Variants in PTBP3 observed in about 807,000 individuals in gnomAD.
PTBP3 encodes polypyrimidine tract-binding protein 3.
PTBP3 carries 20 observed loss-of-function variants against 58.7 expected under a neutral mutation model. The observed-to-expected ratio is 0.34, with a 90% CI of 0.24 to 0.50. The LOEUF (loss-of-function observed/expected upper bound fraction) is 0.50, where lower values mean the gene tolerates loss of function less well. PTBP3 is among the 20% of genes least tolerant of loss of function. The pLI, the probability that PTBP3 is intolerant of heterozygous loss-of-function variation, is 0.98. For synonymous variants in PTBP3, 185 were observed against 219.8 expected (o/e 0.84, Z 1.40); for missense variants, 509 against 637.2 (o/e 0.80, Z 2.17).
At chr9:112,358,922 C>T in the PTBP3 span, among the ~76,000 whole-genome samples, 1 of 152,258 alleles carries the variant, frequency 6.6e-6, no homozygotes, top group African/African-American at 2.4e-5. Context: ...ATAGCCTCGA[C>T]CTCCTGGGCT....
the PTBP3 span, among the ~76,000 whole-genome samples, chr9:112,364,363 G>T: frequency 6.7e-6 from 1 of 150,130 alleles, no homozygotes; most frequent in African/African-American, 2.5e-5. Context: ...TTTTGGTAAA[G>T]AAAAGTACCA....
At position 112,220,842 on chromosome 9, in the gene PTBP3, CT is replaced by C. The variant is rs546903874; in HGVS notation, c.*3008del. On this transcript the variant is annotated 3_prime_UTR_variant, in exon 14 of 14. Transcript: ENST00000374257. ...ATACTTTGTGTAGAAGTCAAGACAC[CT>C]TGAAAAGTGATGACAATACTCCTTA... 2 of 969,570 alleles carry C rather than the reference CT, an allele frequency of 2.1e-6. No homozygotes were observed. The highest frequency in any genetic ancestry group is 1.2e-6 in the Non-Finnish European group (1 of 815,748). 60.1% of individuals were successfully genotyped at this position (969,570 alleles called of 1,614,324 possible).
rs559211507 is a variant in PTBP3 at position 112,220,454 on chromosome 9, C to A, written c.*3397G>T. On this transcript the variant is annotated 3_prime_UTR_variant, in exon 14 of 14. Coordinates refer to ENST00000374257, the MANE Select transcript of PTBP3 (RefSeq NM_001163788.4). ...CCACTTCTCATCAACTAAAACAGAA[C>A]CCATGATTATCATACTAGGTGGAGC... The A allele has an allele frequency of 2.6e-6, 3 of 1,135,652 alleles. No homozygotes were observed. In the Admixed American group the frequency reaches 1.2e-4, roughly 47 times the overall value. The allele number at this position is 1,135,652 out of a possible 1,614,324, so 70.3% of individuals were successfully genotyped here. A position where few individuals can be genotyped will look rare whatever the true frequency, so the allele number is the denominator to read the frequency against.
chr9:112,242,484 A>G (rs1459976401), intron 7 of PTBP3: 1 of 152,184 alleles, frequency 6.6e-6, no homozygotes, highest in Non-Finnish European at 1.5e-5. Context: ...CATATCTCCA[A>G]GTTACAAAGA....
At chr9:112,270,555 A>G (rs1827335394) in intron 3 of PTBP3, among the ~76,000 whole-genome samples, 1 of 152,216 alleles carries the variant, frequency 6.6e-6, no homozygotes, top group South Asian at 2.1e-4. Context: ...TAAGAATCAT[A>G]ATTAAGCATT....
intron 7 of PTBP3, among the ~76,000 whole-genome samples, chr9:112,250,167 C>T (rs1836049436): frequency 6.6e-6 from 1 of 151,998 alleles, no homozygotes; most frequent in African/African-American, 2.4e-5. Context: ...GAACTAAATA[C>T]TACTTAAAGT....
At chr9:112,253,779 T>C (rs893689621) in intron 5 of PTBP3, among the ~76,000 whole-genome samples, 1 of 152,120 alleles carries the variant, frequency 6.6e-6, no homozygotes, top group African/African-American at 2.4e-5. Context: ...CCTGCCACCA[T>C]GTGAAGAAGG....
chr9:112,315,509 G>C (rs967153605), intron 1 of PTBP3, among the ~76,000 whole-genome samples: 3 of 152,066 alleles, frequency 2.0e-5, no homozygotes, highest in Admixed American at 6.6e-5. Context: ...CTGAGGAGGA[G>C]GATCACTTGA....
At position 112,273,452 on chromosome 9, in the gene PTBP3, G is replaced by C. The variant is rs569905235; in HGVS notation, c.204+2392C>G. ...CAATTTGTAAACAATAATATTCACT[G>C]TATGGGCATATTTCTGCAAACTCCT... On this transcript the variant is annotated intron_variant, in intron 3 of 13. Coordinates refer to ENST00000374257, the MANE Select transcript of PTBP3 (RefSeq NM_001163788.4). Among the ~76,000 whole-genome samples, 3 of 152,238 alleles carry C rather than the reference G, an allele frequency of 2.0e-5. No homozygotes were observed. In the South Asian group the frequency reaches 6.2e-4, roughly 32 times the overall value.
upstream of PTBP3, among the ~76,000 whole-genome samples, chr9:112,337,117 C>T (rs1830583163): frequency 6.6e-6 from 1 of 152,204 alleles, no homozygotes; most frequent in African/African-American, 2.4e-5. Context: ...GCAACCTCTG[C>T]CTCCCAGGTT....
chr9:112,279,603 A>T (rs1827769519), intron 2 of PTBP3, among the ~76,000 whole-genome samples: 1 of 151,904 alleles, frequency 6.6e-6, no homozygotes, highest in African/African-American at 2.4e-5. Flanking sequence ...ACATCCCAAA[A>T]AGTTCCCTAG....
At chr9:112,370,910 C>T in the PTBP3 span, among the ~76,000 whole-genome samples, 15 of 151,816 alleles carry the variant, frequency 9.9e-5, no homozygotes, top group African/African-American at 3.6e-4. Flanking sequence ...TTATTAATTT[C>T]CTTTTTGGAT....
intron 1 of PTBP3, among the ~76,000 whole-genome samples, chr9:112,313,515 G>A (rs1829572440): frequency 1.3e-5 from 2 of 152,210 alleles, no homozygotes; most frequent in Non-Finnish European, 2.9e-5. Context: ...ATTTGTGGAA[G>A]TCAGAAACCT....
chr9:112,379,304 AAC>A, the PTBP3 span, among the ~76,000 whole-genome samples: 1 of 152,236 alleles, frequency 6.6e-6, no homozygotes, highest in Non-Finnish European at 1.5e-5. Context: ...CAAAATACAA[AAC>A]AGTTCCTCGT....
At chr9:112,281,261 T>C (rs988024616) in intron 2 of PTBP3, 1 of 204,856 alleles carries the variant, frequency 4.9e-6, no homozygotes, top group Non-Finnish European at 1.0e-5. Flanking sequence ...CATTCTTTCC[T>C]TCAGAGCCCA....
intron 7 of PTBP3, among the ~76,000 whole-genome samples, chr9:112,241,296 G>A (rs1330561968): frequency 6.6e-6 from 1 of 152,052 alleles, no homozygotes; most frequent in African/African-American, 2.4e-5. Flanking sequence ...TACAGATGGG[G>A]TTTCATCATG....
chr9:112,300,676 C>T (rs542979396), intron 1 of PTBP3, among the ~76,000 whole-genome samples: 3 of 152,138 alleles, frequency 2.0e-5, no homozygotes, highest in East Asian at 1.9e-4. Flanking sequence ...GGCGTGAACC[C>T]GGGAGGCAGA....
intron 4 of PTBP3, among the ~76,000 whole-genome samples, chr9:112,267,165 TTTC>T (rs1836833686): frequency 6.8e-6 from 1 of 147,372 alleles, no homozygotes; most frequent in African/African-American, 2.6e-5. Flanking sequence ...AAAAACCCAC[TTTC>T]TTTTTTTTTT....
chr9:112,335,599 C>CTT (rs113253430), upstream of PTBP3, among the ~76,000 whole-genome samples: 1 of 102,710 alleles, frequency 9.7e-6, no homozygotes, highest in Non-Finnish European at 1.9e-5. Flanking sequence ...TACCATTTTT[C>CTT]TTTTTTTTTT....
Sources: allele counts gnomAD v4.1 joint callset (sites outside exome capture counted in the v4.1 genomes callset), GRCh38; gene constraint gnomAD v4.1.1; transcripts MANE v1.5; gene names NCBI Gene and HGNC (gene_info 2026-07-23, HGNC 2026-07-21).